Variants in CNOT10 observed in about 807,000 individuals in gnomAD.
CNOT10 encodes CCR4-NOT transcription complex subunit 10.
CNOT10 carries 30 observed loss-of-function variants against 94.6 expected under a neutral mutation model. The observed-to-expected ratio is 0.32, with a 90% CI of 0.24 to 0.43. The LOEUF (loss-of-function observed/expected upper bound fraction) is 0.43, where lower values mean the gene tolerates loss of function less well. Ranked by LOEUF, CNOT10 falls within the 20% of genes least tolerant of loss-of-function variation. The pLI, the probability that CNOT10 is intolerant of heterozygous loss-of-function variation, is 1.00. For synonymous variants in CNOT10, 289 were observed against 301.6 expected, an observed-to-expected ratio of 0.96 and a Z score of 0.43; for missense variants, 759 against 877.2, an observed-to-expected ratio of 0.87 and a Z score of 1.70.
intron 1 of CNOT10, among the ~76,000 whole-genome samples, chr3:32,689,591 C>G (rs775504231): frequency 1.3e-5 from 2 of 152,130 alleles, no homozygotes; most frequent in African/African-American, 4.8e-5. Flanking sequence ...TGAATACAAG[C>G]TCCCCGAAGA....
At chr3:32,770,180 A>T (rs1487810327) in intron 18 of CNOT10, among the ~76,000 whole-genome samples, 1 of 150,466 alleles carries the variant, frequency 6.6e-6, no homozygotes, top group African/African-American at 2.4e-5. Context: ...CTAATTTTTT[A>T]AATTTTTTTT....
Position 32,685,250 on chromosome 3 carries a change from G to T in CNOT10, c.-211G>T, listed in dbSNP as rs949938787. 2.2e-5 allele frequency: 12 copies of T among 545,072 alleles called. No homozygotes were observed. Among genetic ancestry groups the T allele is most frequent in the Non-Finnish European group, 3.3e-5 (10 of 304,446 alleles). 33.8% of individuals were successfully genotyped at this position (545,072 alleles called of 1,614,324 possible). A position where few individuals can be genotyped will look rare whatever the true frequency, so the allele number is the denominator to read the frequency against. On this transcript the variant is annotated 5_prime_UTR_variant, in exon 1 of 19. Transcript: ENST00000328834. ...TGGCGGGAGGCTGTGGCGGTCCCTT[G>T]GTGGGGAAGCTGTTGCTGTTGCTAG... is the stretch of plus-strand genomic sequence containing the variant.
At chr3:32,749,344 C>A (rs1699854990) in intron 13 of CNOT10, among the ~76,000 whole-genome samples, 1 of 151,244 alleles carries the variant, frequency 6.6e-6, no homozygotes, top group African/African-American at 2.4e-5. Context: ...TTTACCATGT[C>A]TTCCTATAAG....
chr3:32,740,319 T>C (rs905140650), intron 13 of CNOT10, among the ~76,000 whole-genome samples: 3 of 151,562 alleles, frequency 2.0e-5, no homozygotes, highest in Admixed American at 2.0e-4. Flanking sequence ...ATTAGCTGAG[T>C]GTGGTGGCGT....
chr3:32,727,929 T>C, intron 10 of CNOT10, 59 bp downstream of exon 10: 2 of 1,145,336 alleles, frequency 1.7e-6, no homozygotes, highest in South Asian at 1.5e-5. Context: ...CTACATGGAA[T>C]GGTTAAAAAA....
chr3:32,690,798 C>T (rs561291206), intron 1 of CNOT10, among the ~76,000 whole-genome samples: 48 of 152,144 alleles, frequency 3.2e-4, no homozygotes, highest in African/African-American at 9.6e-4. Flanking sequence ...CCGCCCGCCT[C>T]GGCCTCCCAA....
intron 13 of CNOT10, among the ~76,000 whole-genome samples, chr3:32,759,149 G>C (rs546134498): frequency 6.6e-6 from 1 of 151,578 alleles, no homozygotes; most frequent in East Asian, 1.9e-4. Context: ...GTGTGTGTGT[G>C]TGTGTATTTA....
intron 14 of CNOT10, among the ~76,000 whole-genome samples, chr3:32,762,180 A>AG (rs1355494000): frequency 6.6e-6 from 1 of 150,824 alleles, no homozygotes; most frequent in Non-Finnish European, 1.5e-5. Context: ...AAAAAAAAAA[A>AG]AAGCTGGGCA....
At chr3:32,707,889 A>G (rs1475447853) in intron 3 of CNOT10, among the ~76,000 whole-genome samples, 1 of 152,010 alleles carries the variant, frequency 6.6e-6, no homozygotes, top group African/African-American at 2.4e-5. Flanking sequence ...ATAGTTAACT[A>G]TTTTTGTTTT....
chr3:32,692,836 A>AG (rs1475659798), intron 1 of CNOT10, among the ~76,000 whole-genome samples: 1 of 152,178 alleles, frequency 6.6e-6, no homozygotes, highest in African/African-American at 2.4e-5. Context: ...GCTTGAGCCC[A>AG]GGAGTTCAAG....
intron 13 of CNOT10, among the ~76,000 whole-genome samples, chr3:32,737,937 A>T: frequency 6.6e-6 from 1 of 152,290 alleles, no homozygotes; most frequent in Middle Eastern, 3.4e-3. Flanking sequence ...TTTCTTTTGT[A>T]TAAATTTTTA....
At chr3:32,763,223 G>A (rs1045206227) in intron 15 of CNOT10, among the ~76,000 whole-genome samples, 2 of 151,934 alleles carry the variant, frequency 1.3e-5, no homozygotes, top group African/African-American at 2.4e-5. Context: ...TGTAATCCCA[G>A]CACTTTGGGA....
At chr3:32,722,158 T>A (rs1698448958) in intron 8 of CNOT10, among the ~76,000 whole-genome samples, 1 of 152,204 alleles carries the variant, frequency 6.6e-6, no homozygotes, top group Non-Finnish European at 1.5e-5. Flanking sequence ...TGCAAACAAT[T>A]AATATGTATT....
chr3:32,709,515 G>A (rs1181232989), intron 4 of CNOT10, among the ~76,000 whole-genome samples: 4 of 152,174 alleles, frequency 2.6e-5, no homozygotes, highest in Non-Finnish European at 5.9e-5. Context: ...GTTACCACAG[G>A]ACAAGTGGTG....
At position 32,707,275 on chromosome 3, in the gene CNOT10, CT is replaced by C. The variant is rs917985366; in HGVS notation, c.280-1383del. Among the ~76,000 whole-genome samples, 627 of 143,072 alleles carry C rather than the reference CT, an allele frequency of 4.4e-3. 4 individuals carry two copies. Among genetic ancestry groups the C allele is most frequent in the East Asian group, 0.032 (161 of 4,972 alleles). The allele number at this position is 143,072 out of a possible 152,430, so 93.9% of individuals were successfully genotyped here. A position where few individuals can be genotyped will look rare whatever the true frequency, so the allele number is the denominator to read the frequency against. On this transcript the variant is annotated intron_variant, in intron 3 of 18. Coordinates refer to ENST00000328834, the MANE Select transcript of CNOT10 (RefSeq NM_015442.3). The stretch of plus-strand genomic sequence containing the variant: ...CAGTTTGAGAATGCAAAGTGTCATG[CT>C]TTTTTTTTTTTCTTTTGTGTCAGTT...
At chr3:32,694,585 T>G (rs896663086) in intron 1 of CNOT10, among the ~76,000 whole-genome samples, 1 of 152,020 alleles carries the variant, frequency 6.6e-6, no homozygotes, top group African/African-American at 2.4e-5. Context: ...CTTCTTTCAG[T>G]TTTTTGTTTG....
chr3:32,701,150 C>G (rs1697324982), intron 1 of CNOT10, among the ~76,000 whole-genome samples: 2 of 152,098 alleles, frequency 1.3e-5, no homozygotes, highest in South Asian at 2.1e-4. Context: ...CGGCAGGTGC[C>G]TGTAGTCCCA....
chr3:32,686,841 C>T (rs187588092), intron 1 of CNOT10, among the ~76,000 whole-genome samples: 38 of 152,318 alleles, frequency 2.5e-4, no homozygotes, highest in African/African-American at 8.7e-4. Context: ...TTTTCAAATC[C>T]TCAGTCATAA....
chr3:32,751,387 T>C (rs1472136893), intron 13 of CNOT10, among the ~76,000 whole-genome samples: 1 of 152,204 alleles, frequency 6.6e-6, no homozygotes, highest in Non-Finnish European at 1.5e-5. Context: ...ATTATAAGCG[T>C]GAGCTACAGC....
Sources: allele counts gnomAD v4.1 joint callset (sites outside exome capture counted in the v4.1 genomes callset), GRCh38; gene constraint gnomAD v4.1.1; transcripts MANE v1.5; gene names NCBI Gene and HGNC (gene_info 2026-07-23, HGNC 2026-07-21).